Variants in CSMD1 observed in about 807,000 individuals in gnomAD.
The protein encoded by CSMD1 is CUB and sushi domain-containing protein 1.
Under a neutral mutation model 417.5 loss-of-function variants are expected in CSMD1, and 213 were observed. The observed-to-expected ratio is 0.51, with a 90% CI of 0.46 to 0.57. The LOEUF (loss-of-function observed/expected upper bound fraction) is 0.57, where lower values mean the gene tolerates loss of function less well. CSMD1 is among the 20% of genes least tolerant of loss of function. CSMD1 has a pLI of 0.00. For missense variants in CSMD1, 6,923 were observed against 4,529.7 expected (o/e 1.53, Z -15.17); for synonymous variants, 2,862 against 1,736.8 (o/e 1.65, Z -16.11).
At position 4,866,314 on chromosome 8, in the gene CSMD1, T is replaced by C. The variant is rs148238255; in HGVS notation, c.85+128018A>G. Among the ~76,000 whole-genome samples, 646 of 152,138 alleles carry C rather than the reference T, an allele frequency of 4.2e-3. 10 individuals carry two copies. The highest frequency in any genetic ancestry group is 0.014 in the Middle Eastern group (4 of 294). ...AAATATTTTATTATCTAGTGATCTA[T>C]TGACTTCTCCAGAGATTTCTTTACA... On this transcript the variant is annotated intron_variant, in intron 1 of 69. Transcript: ENST00000635120.
chr8:4,608,520 C>T (rs2725043), intron 2 of CSMD1, among the ~76,000 whole-genome samples: 73,817 of 152,026 alleles, frequency 0.49, 19,260 homozygotes, highest in African/African-American at 0.69. Context: ...AATGTGGAAT[C>T]TCCATAAGAG....
intron 3 of CSMD1, among the ~76,000 whole-genome samples, chr8:4,310,296 C>A (rs1038314668): frequency 1.3e-5 from 2 of 152,184 alleles, no homozygotes; most frequent in African/African-American, 4.8e-5. Flanking sequence ...AGCTGAAATT[C>A]TTATGGGTGG....
chr8:4,526,928 C>T (rs1259822638), intron 2 of CSMD1, among the ~76,000 whole-genome samples: 2 of 152,128 alleles, frequency 1.3e-5, no homozygotes, highest in Non-Finnish European at 2.9e-5. Flanking sequence ...CAAGGTTAGA[C>T]AATCCTGGTT....
At position 4,298,757 on chromosome 8, in the gene CSMD1, A is replaced by G. The variant is rs113057803; in HGVS notation, c.415+121196T>C. On this transcript the variant is annotated intron_variant, in intron 3 of 69. Coordinates refer to ENST00000635120, the MANE Select transcript of CSMD1 (RefSeq NM_033225.6). Reference sequence around the variant, plus strand: ...ATGTTAAGAAATTAATGTTAAAGTGATATTTGTGCTTTTGAATAAATTTAT... The same window carrying G: ...ATGTTAAGAAATTAATGTTAAAGTGGTATTTGTGCTTTTGAATAAATTTAT... Among the ~76,000 whole-genome samples, 15 of 152,192 alleles carry G rather than the reference A, an allele frequency of 9.9e-5. 1 individual carries two copies. The highest frequency in any genetic ancestry group is 7.2e-4 in the Admixed American group (11 of 15,280).
chr8:2,961,614 T>C (rs1803498778), intron 61 of CSMD1, among the ~76,000 whole-genome samples: 1 of 152,204 alleles, frequency 6.6e-6, no homozygotes, highest in South Asian at 2.1e-4. Flanking sequence ...TGAGTTTCTT[T>C]AATTAATTTT....
chr8:3,968,754 C>T (rs905203211), intron 5 of CSMD1, among the ~76,000 whole-genome samples: 3 of 152,074 alleles, frequency 2.0e-5, no homozygotes, highest in African/African-American at 7.2e-5. Context: ...CCTCAACAAC[C>T]AAAATGCTGA....
At chr8:3,842,741 A>C (rs1392452928) in intron 5 of CSMD1, among the ~76,000 whole-genome samples, 1 of 152,128 alleles carries the variant, frequency 6.6e-6, no homozygotes, top group Non-Finnish European at 1.5e-5. Flanking sequence ...TAAAATTGGG[A>C]AACAGAAAAA....
At chr8:4,478,982 G>A (rs1054369481) in intron 2 of CSMD1, among the ~76,000 whole-genome samples, 1 of 152,160 alleles carries the variant, frequency 6.6e-6, no homozygotes, top group African/African-American at 2.4e-5. Flanking sequence ...TCCCCCAAAA[G>A]GAACGATAAT....
At chr8:4,075,265 A>G (rs995588171) in intron 3 of CSMD1, among the ~76,000 whole-genome samples, 1 of 152,216 alleles carries the variant, frequency 6.6e-6, no homozygotes, top group Non-Finnish European at 1.5e-5. Flanking sequence ...ACAAAGTATT[A>G]TAAAATAAAG....
At chr8:4,514,512 G>C (rs1803009963) in intron 2 of CSMD1, among the ~76,000 whole-genome samples, 2 of 152,104 alleles carry the variant, frequency 1.3e-5, no homozygotes, top group South Asian at 4.1e-4. Context: ...AACGAAGAGG[G>C]AACATCGTGA....
chr8:3,525,292 C>G (rs138900091), intron 10 of CSMD1, among the ~76,000 whole-genome samples: 2 of 152,060 alleles, frequency 1.3e-5, no homozygotes, highest in African/African-American at 4.8e-5. Flanking sequence ...AGCAACAGAC[C>G]AGGTTAAAAA....
At position 3,241,079 on chromosome 8, in the gene CSMD1, G is replaced by C. The variant is rs570924086; in HGVS notation, c.4154-10848C>G. ...TGTGGGTTAAGGTGAGGGGATACAA[G>C]AGGAGGACGCAACGGAGGCTTTGGA... On this transcript the variant is annotated intron_variant, in intron 26 of 69. Coordinates refer to ENST00000635120, the MANE Select transcript of CSMD1 (RefSeq NM_033225.6). Among the ~76,000 whole-genome samples the C allele has an allele frequency of 5.3e-5, 8 of 150,930 alleles. No homozygotes were observed. In the South Asian group the frequency reaches 1.5e-3, roughly 28 times the overall value.
chr8:4,146,804 G>A (rs1339957036), intron 3 of CSMD1, among the ~76,000 whole-genome samples: 2 of 149,316 alleles, frequency 1.3e-5, no homozygotes, highest in African/African-American at 5.1e-5. Flanking sequence ...GTAGAGACGA[G>A]TTTCACCGTG....
intron 3 of CSMD1, among the ~76,000 whole-genome samples, chr8:4,064,578 T>C (rs766130935): frequency 4.6e-5 from 7 of 152,202 alleles, no homozygotes; most frequent in African/African-American, 1.7e-4. Flanking sequence ...ACTTCCACCC[T>C]GTCATACAAC....
In CSMD1 at chr8:4,419,384, A is replaced by C. The variant is rs569339314; in HGVS notation, c.415+569T>G. On this transcript the variant is annotated intron_variant, in intron 3 of 69. Coordinates refer to ENST00000635120, the MANE Select transcript of CSMD1 (RefSeq NM_033225.6). ...AAAGTTCTATCTCTGCATTTAAAAA[A>C]AATTTCTGCCAAAAGCCGTTTTAAT... Among the ~76,000 whole-genome samples the C allele has an allele frequency of 1.5e-3, 221 of 152,342 alleles. 2 individuals are homozygous for C. Among genetic ancestry groups the C allele is most frequent in the African/African-American group, 4.8e-3 (199 of 41,590 alleles).
intron 22 of CSMD1, among the ~76,000 whole-genome samples, 168 bp downstream of exon 22, chr8:3,347,824 G>T (rs905134812): frequency 6.6e-6 from 1 of 152,096 alleles, no homozygotes; most frequent in Non-Finnish European, 1.5e-5. Context: ...TGCTCTAAGC[G>T]AAGTGACATT....
chr8:3,945,187 A>AG (rs1811137172), intron 5 of CSMD1, among the ~76,000 whole-genome samples: 1 of 151,990 alleles, frequency 6.6e-6, no homozygotes, highest in Non-Finnish European at 1.5e-5. Context: ...ACAAAAAAAA[A>AG]AAAAAAAAAA....
intron 10 of CSMD1, among the ~76,000 whole-genome samples, chr8:3,560,685 T>C (rs1281530108): frequency 6.6e-6 from 1 of 152,176 alleles, no homozygotes; most frequent in Non-Finnish European, 1.5e-5. Context: ...ATGGAAACCA[T>C]GAATTTCTCT....
chr8:4,160,748 A>G (rs2131094635), intron 3 of CSMD1, among the ~76,000 whole-genome samples: 1 of 152,362 alleles, frequency 6.6e-6, no homozygotes, highest in Admixed American at 6.5e-5. Flanking sequence ...AGGTGATACT[A>G]CATTTACTCA....
Sources: allele counts gnomAD v4.1 joint callset (sites outside exome capture counted in the v4.1 genomes callset), GRCh38; gene constraint gnomAD v4.1.1; transcripts MANE v1.5; gene names NCBI Gene and HGNC (gene_info 2026-07-23, HGNC 2026-07-21).